Variants in TSPAN4 observed in about 807,000 individuals in gnomAD.
The protein encoded by TSPAN4 is tetraspanin 4, also known as tetraspanin-4.
Under a neutral mutation model 31.5 loss-of-function variants are expected in TSPAN4, and 38 were observed. The observed-to-expected ratio is 1.21, with a 90% CI of 0.93 to 1.58. The LOEUF is 1.58. Ranked by LOEUF, TSPAN4 falls within the 40% of genes most tolerant of loss-of-function variation. TSPAN4 has a pLI of 0.00. For synonymous variants in TSPAN4, 186 were observed against 144.6 expected, an observed-to-expected ratio of 1.29 and a Z score of -2.06; for missense variants, 330 against 317.3, an observed-to-expected ratio of 1.04 and a Z score of -0.30.
intron 8 of TSPAN4, among the ~76,000 whole-genome samples, chr11:866,285 C>T (rs1364869210): frequency 6.6e-6 from 1 of 152,046 alleles, no homozygotes; most frequent in Non-Finnish European, 1.5e-5. Flanking sequence ...GCAGCTGGGG[C>T]CCTGGTGCCA....
rs1847444460 is a variant in TSPAN4 at position 848,543 on chromosome 11, T to C, written c.-18+1243T>C. Reference sequence around the variant, plus strand: ...GGTGGGCAGAGCTGCGGGACCTCCCTGGGCACCCGGGGCTTCCACGGCAGC... The same window carrying C: ...GGTGGGCAGAGCTGCGGGACCTCCCCGGGCACCCGGGGCTTCCACGGCAGC... On this transcript the variant is annotated intron_variant, in intron 2 of 8. Transcript: ENST00000397397. The surrounding 1 kb of genome is among the most constrained non-coding windows in gnomAD (Gnocchi z 5.7). Among the ~76,000 whole-genome samples, 1 of 152,082 alleles carries C rather than the reference T, an allele frequency of 6.6e-6. No individual in the cohort carries two copies. The highest frequency in any genetic ancestry group is 2.4e-5 in the African/African-American group (1 of 41,408).
At chr11:850,515 C>T in intron 3 of TSPAN4, 148 bp downstream of exon 3, 1 of 689,632 alleles carries the variant, frequency 1.5e-6, no homozygotes, top group Non-Finnish European at 2.4e-6. Flanking sequence ...AAGACCGCTG[C>T]TCCGGCTAGG....
At chr11:850,494 C>T (rs1590228359) in intron 3 of TSPAN4, 127 bp downstream of exon 3, 6 of 790,010 alleles carry the variant, frequency 7.6e-6, no homozygotes, top group East Asian at 2.7e-5. Context: ...GGGATGGTCC[C>T]GGGAGGACCC....
intron 2 of TSPAN4, among the ~76,000 whole-genome samples, chr11:847,789 A>G (rs926245635): frequency 3.9e-5 from 6 of 152,056 alleles, no homozygotes; most frequent in African/African-American, 1.4e-4. Flanking sequence ...GGCTCAGTGC[A>G]GGCACCCAGA....
At chr11:856,064 C>G (rs544906579) in intron 3 of TSPAN4, among the ~76,000 whole-genome samples, 1 of 152,204 alleles carries the variant, frequency 6.6e-6, no homozygotes. Context: ...GGGGCCGTCC[C>G]GCAGCACCTG....
intron 3 of TSPAN4, among the ~76,000 whole-genome samples, chr11:856,119 G>A (rs1371933787): frequency 6.6e-6 from 1 of 152,194 alleles, no homozygotes; most frequent in African/African-American, 2.4e-5. Context: ...AAGAAGGGCA[G>A]AGCAGAGAAT....
chr11:846,252 G>T (rs1847317355), intron 1 of TSPAN4, among the ~76,000 whole-genome samples: 1 of 152,094 alleles, frequency 6.6e-6, no homozygotes, highest in Non-Finnish European at 1.5e-5. Flanking sequence ...ATGGCACCCA[G>T]GCTGCTGCAG....
chr11:864,085 T>C (rs1848629300), intron 4 of TSPAN4: 1 of 352,736 alleles, frequency 2.8e-6, no homozygotes, highest in African/African-American at 2.1e-5. Flanking sequence ...GGCCCCTGGA[T>C]GGAGGTGTCC....
intron 8 of TSPAN4, among the ~76,000 whole-genome samples, 183 bp downstream of exon 8, chr11:866,184 T>C (rs117415867): frequency 0.031 from 4,675 of 152,186 alleles, 106 homozygotes; most frequent in Non-Finnish European, 0.045. Flanking sequence ...GGCTCCCTCT[T>C]AGTGGACAGA....
At chr11:851,868 C>T (rs968696205) in intron 3 of TSPAN4, among the ~76,000 whole-genome samples, 18 of 152,180 alleles carry the variant, frequency 1.2e-4, no homozygotes, top group Non-Finnish European at 2.6e-4. Context: ...TCCTCTCCAC[C>T]CTCCTCCTGT....
chr11:846,105 G>A (rs1202325361), intron 1 of TSPAN4, among the ~76,000 whole-genome samples: 2 of 152,216 alleles, frequency 1.3e-5, no homozygotes, highest in Non-Finnish European at 2.9e-5. Flanking sequence ...GGCCTGGGGG[G>A]CCAGGGTGTG....
intron 3 of TSPAN4, among the ~76,000 whole-genome samples, chr11:852,941 A>G (rs976206735): frequency 6.6e-6 from 1 of 152,052 alleles, no homozygotes; most frequent in Non-Finnish European, 1.5e-5. Flanking sequence ...TGGGGAGGGC[A>G]TGGGGGAGCC....
Position 864,440 on chromosome 11 carries a change from T to C in TSPAN4, c.259T>C (p.Phe87Leu). ...TCTGAGCCTGCCCCCTCCACAGTTC[T>C]TCCTGCTGCTGCTGCTGGTGTTCCT... is the stretch of plus-strand genomic sequence containing the variant. Reference protein sequence around the residue: ...KENKCLLLTFFLLLLLVFLLE... With the variant: ...KENKCLLLTFLLLLLLVFLLE... Residue 87 changes from phenylalanine (F) to leucine (L), a missense_variant, in exon 5 of 9, where the codon TTC (phenylalanine) becomes CTC (leucine). By Grantham distance (22) the Phe-to-Leu change is conservative (BLOSUM62 0). Transcript: ENST00000397397. 1.9e-6 allele frequency: 3 copies of C among 1,612,534 alleles called. No individual in the cohort carries two copies. The highest frequency in any genetic ancestry group is 2.5e-6 in the Non-Finnish European group (3 of 1,179,928).
Position 865,949 on chromosome 11 carries a change from AG to A in TSPAN4, c.598del (p.Glu200ArgfsTer21). On this transcript the variant is annotated frameshift_variant, in exon 8 of 9. Coordinates refer to ENST00000397397, the MANE Select transcript of TSPAN4 (RefSeq NM_003271.5). LOFTEE classifies it high-confidence loss of function. Reference protein sequence around the residue: ...PCYETVKVWLQENLLAVGIFG... With the variant: ...PCYETVKVWLXENLLAVGIFG... The stretch of plus-strand genomic sequence containing the variant: ...TACGAGACGGTGAAGGTGTGGCTTC[AG>A]GAGAACCTGCTGGCTGTGGGCATCT... 2 of 1,612,788 alleles carry A rather than the reference AG, an allele frequency of 1.2e-6. No homozygotes were observed. Among genetic ancestry groups the A allele is most frequent in the Non-Finnish European group, 1.7e-6 (2 of 1,179,982 alleles).
chr11:850,500 G>C, intron 3 of TSPAN4, 133 bp downstream of exon 3: 1 of 742,054 alleles, frequency 1.3e-6, no homozygotes, highest in Non-Finnish European at 2.2e-6. Flanking sequence ...GTCCCGGGAG[G>C]ACCCAAGACC....
At position 848,818 on chromosome 11, in the gene TSPAN4, G is replaced by C; in HGVS notation, c.-17-1470G>C. The C allele has an allele frequency of 1.6e-6, 1 of 631,980 alleles. No individual in the cohort carries two copies. The highest frequency in any genetic ancestry group is 2.9e-6 in the Non-Finnish European group (1 of 342,986). The allele number at this position is 631,980 out of a possible 1,614,324, so 39.1% of individuals were successfully genotyped here. On this transcript the variant is annotated intron_variant, in intron 2 of 8. Transcript: ENST00000397397. This position sits in a 1 kb window ranked among gnomAD's most constrained non-coding sequence, Gnocchi z 5.7. ...GGTGGGGCTGGGGCTTCAGAGGCGT[G>C]GGGTAGGCTGCAGGGCACAGCTGGG...
At chr11:849,862 T>C (rs185715631) in intron 2 of TSPAN4, 9,574 of 145,602 alleles carry the variant, frequency 0.066, 434 homozygotes, top group East Asian at 0.21. Flanking sequence ...GGGCAGATGT[T>C]TGGGTTCCGC....
intron 3 of TSPAN4, among the ~76,000 whole-genome samples, chr11:850,994 T>C (rs1232460137): frequency 1.3e-5 from 2 of 152,256 alleles, no homozygotes; most frequent in Non-Finnish European, 2.9e-5. Context: ...CAGCAGAGGC[T>C]TCCCTAACTT....
intron 5 of TSPAN4, 190 bp downstream of exon 5, chr11:864,701 C>T (rs566242944): frequency 1.0e-5 from 7 of 684,200 alleles, no homozygotes; most frequent in South Asian, 5.4e-5. Flanking sequence ...TGCTGTGGCT[C>T]TATAGCGACT....
Sources: allele counts gnomAD v4.1 joint callset (sites outside exome capture counted in the v4.1 genomes callset), GRCh38; gene constraint gnomAD v4.1.1; non-coding constraint Gnocchi (gnomAD v3.1); transcripts MANE v1.5; gene names NCBI Gene and HGNC (gene_info 2026-07-23, HGNC 2026-07-21).